DDX10: variants seen among roughly 807,000 people sequenced by gnomAD.
DDX10 encodes DEAD-box helicase 10.
Under a neutral mutation model 104.3 loss-of-function variants are expected in DDX10, and 74 were observed. That is an observed-to-expected ratio of 0.71 (90% CI 0.59 to 0.86). The LOEUF (loss-of-function observed/expected upper bound fraction) is 0.86, where lower values mean the gene tolerates loss of function less well. DDX10 is among the 40% of genes least tolerant of loss of function. The pLI is 0.00. For missense variants in DDX10, 952 were observed against 1,040.0 expected, an observed-to-expected ratio of 0.92 and a Z score of 1.16; for synonymous variants, 351 against 353.4, an observed-to-expected ratio of 0.99 and a Z score of 0.08.
At chr11:108,901,347 A>T (rs902848653) in intron 16 of DDX10, among the ~76,000 whole-genome samples, 1 of 152,242 alleles carries the variant, frequency 6.6e-6, no homozygotes, top group Non-Finnish European at 1.5e-5. Context: ...AAACCAAGTG[A>T]GACAATAAGC....
At chr11:108,747,968 G>A (rs1198502747) in intron 13 of DDX10, among the ~76,000 whole-genome samples, 1 of 152,114 alleles carries the variant, frequency 6.6e-6, no homozygotes, top group African/African-American at 2.4e-5. Flanking sequence ...AATTGTCTGT[G>A]TAGGGGCTTT....
chr11:108,749,084 C>CTATA (rs1565266785), intron 13 of DDX10, among the ~76,000 whole-genome samples: 7 of 151,408 alleles, frequency 4.6e-5, no homozygotes, highest in African/African-American at 1.7e-4. Context: ...CTCTCTCTCT[C>CTATA]TCTATATATA....
intron 16 of DDX10, among the ~76,000 whole-genome samples, chr11:108,871,888 A>G (rs906577138): frequency 1.3e-5 from 2 of 151,450 alleles, no homozygotes; most frequent in African/African-American, 2.4e-5. Context: ...AGTTCATGCC[A>G]TTGCACTCCA....
At chr11:108,764,311 TG>T (rs1378948082) in intron 13 of DDX10, among the ~76,000 whole-genome samples, 1 of 152,156 alleles carries the variant, frequency 6.6e-6, no homozygotes, top group Non-Finnish European at 1.5e-5. Context: ...ATTTTGATGT[TG>T]GGGGGAATAG....
At chr11:108,741,353 G>A (rs1442043467) in intron 13 of DDX10, among the ~76,000 whole-genome samples, 1 of 151,990 alleles carries the variant, frequency 6.6e-6, no homozygotes, top group African/African-American at 2.4e-5. Flanking sequence ...GAATATTATT[G>A]GTTGTTAGAT....
chr11:108,873,952 G>C (rs1863116321), intron 16 of DDX10, among the ~76,000 whole-genome samples: 1 of 152,106 alleles, frequency 6.6e-6, no homozygotes, highest in African/African-American at 2.4e-5. Context: ...TCAAATAATT[G>C]CAAAGAGTCT....
chr11:108,833,916 A>G (rs1862510438), intron 13 of DDX10, among the ~76,000 whole-genome samples: 1 of 152,088 alleles, frequency 6.6e-6, no homozygotes, highest in African/African-American at 2.4e-5. Flanking sequence ...ACATTCCACC[A>G]TTCATATTCT....
chr11:108,912,977 T>C (rs1349779953), intron 16 of DDX10, among the ~76,000 whole-genome samples: 1 of 152,132 alleles, frequency 6.6e-6, no homozygotes, highest in Non-Finnish European at 1.5e-5. Context: ...CCTGCCTTTT[T>C]GGACAGTTGT....
At chr11:108,932,321 C>T (rs1338498324) in intron 17 of DDX10, among the ~76,000 whole-genome samples, 1 of 151,932 alleles carries the variant, frequency 6.6e-6, no homozygotes, top group African/African-American at 2.4e-5. Context: ...AATTTACCTT[C>T]TCCTTCTCTT....
rs1454684204 is a variant in DDX10 at position 108,917,912 on chromosome 11, G to C, written c.2344G>C (p.Asp782His). 2 of 1,612,048 alleles carry C rather than the reference G, an allele frequency of 1.2e-6. No individual in the cohort carries two copies. Among genetic ancestry groups the C allele is most frequent in the Non-Finnish European group, 1.7e-6 (2 of 1,179,388 alleles). Reference protein sequence around the residue: ...EEEAFLDWSDDDDDDDDGFDP... With the variant: ...EEEAFLDWSDHDDDDDDGFDP... ...GGAAGCCTTTCTGGATTGGAGTGAT[G>C]ATGATGATGATGATGATGATGGATT... is the stretch of plus-strand genomic sequence containing the variant. Residue 782 changes from aspartate (D) to histidine (H), a missense_variant, in exon 17 of 18, where the codon GAT (aspartate) becomes CAT (histidine). Around this residue, in one of 3 missense-constraint regions of DDX10, gnomAD observed 533 missense variants for 534.1 expected, o/e 1.00. Transcript: ENST00000322536.
At chr11:108,711,352 T>C (rs906054413) in intron 10 of DDX10, among the ~76,000 whole-genome samples, 2 of 152,212 alleles carry the variant, frequency 1.3e-5, no homozygotes, top group African/African-American at 4.8e-5. Flanking sequence ...TGTTATGTTA[T>C]GACAGAGTTT....
chr11:108,713,878 C>T (rs150845060), intron 10 of DDX10, among the ~76,000 whole-genome samples: 14 of 152,206 alleles, frequency 9.2e-5, no homozygotes, highest in African/African-American at 1.4e-4. Flanking sequence ...CCTATGCCTC[C>T]GGACTGTGAA....
chr11:108,683,796 C>T (rs2094238832), intron 6 of DDX10, among the ~76,000 whole-genome samples: 2 of 152,074 alleles, frequency 1.3e-5, no homozygotes, highest in African/African-American at 4.8e-5. Flanking sequence ...TACAGGAAAG[C>T]CAGAATATTA....
chr11:108,846,144 CACAT>C (rs1862714608), intron 15 of DDX10, among the ~76,000 whole-genome samples: 1 of 152,062 alleles, frequency 6.6e-6, no homozygotes, highest in Admixed American at 6.5e-5. Context: ...CTTTAATTGA[CACAT>C]AATAATTGTA....
chr11:108,895,370 A>G (rs1863427828), intron 16 of DDX10, among the ~76,000 whole-genome samples: 1 of 151,868 alleles, frequency 6.6e-6, no homozygotes, highest in Non-Finnish European at 1.5e-5. Context: ...AAAAAAGCTC[A>G]TTAGTCTCTT....
rs145111799 is a variant in DDX10, at chr11:108,918,403, G to T, written c.2450+385G>T. ...GGTTTTATTTTTTTTCATTGTCAGA[G>T]AACTCTATTAAAGATACTGCTAAAA... is the stretch of plus-strand genomic sequence containing the variant. On this transcript the variant is annotated intron_variant, in intron 17 of 17. Transcript: ENST00000322536. 3.1e-3 allele frequency: 669 copies of T among 218,916 alleles called. 2 individuals carry two copies. The highest frequency in any genetic ancestry group is 7.4e-3 in the Admixed American group (130 of 17,542). 13.6% of individuals were successfully genotyped at this position (218,916 alleles called of 1,614,324 possible).
At chr11:108,702,165 T>C (rs774446463) in intron 9 of DDX10, among the ~76,000 whole-genome samples, 5 of 152,220 alleles carry the variant, frequency 3.3e-5, no homozygotes, top group Non-Finnish European at 7.3e-5. Flanking sequence ...ACAAAAGATA[T>C]AGGTCTTAAA....
In DDX10 at chr11:108,693,004, G is replaced by A. The variant is rs551747975; in HGVS notation, c.1139-512G>A. Among the ~76,000 whole-genome samples the A allele has an allele frequency of 5.3e-4, 81 of 152,198 alleles. 1 individual carries two copies. The highest frequency in any genetic ancestry group is 3.4e-3 in the Middle Eastern group (1 of 294). ...GGTGGTTTGCTGCATCCATCAACCC[G>A]TCATCTACATTAGGTATTTCTCCTA... is the stretch of plus-strand genomic sequence containing the variant. On this transcript the variant is annotated intron_variant, in intron 8 of 17. Coordinates refer to ENST00000322536, the MANE Select transcript of DDX10 (RefSeq NM_004398.4).
chr11:108,785,305 A>G (rs1483014516), intron 13 of DDX10, among the ~76,000 whole-genome samples: 3 of 152,036 alleles, frequency 2.0e-5, no homozygotes, highest in Non-Finnish European at 4.4e-5. Context: ...GAACTTTTTG[A>G]TGTGCTGTTA....
Sources: gnomAD v4.1 joint callset for allele counts (sites outside exome capture counted in the v4.1 genomes callset) on GRCh38, gnomAD v4.1.1 for gene constraint, gnomAD v4.1.1 regional missense constraint, MANE v1.5 for transcripts, NCBI Gene and HGNC (gene_info 2026-07-23, HGNC 2026-07-21) for gene names.